HDAC4: variants seen among roughly 807,000 people sequenced by gnomAD.
The protein encoded by HDAC4 is histone deacetylase A.
Under a neutral mutation model 135.1 loss-of-function variants are expected in HDAC4, and 16 were observed. That is an observed-to-expected ratio of 0.12 (90% CI 0.08 to 0.18). HDAC4 has a LOEUF of 0.18. HDAC4 is among the 10% of genes least tolerant of loss of function. The pLI is 1.00. For missense variants in HDAC4, 1,143 were observed against 1,511.8 expected, an observed-to-expected ratio of 0.76 and a Z score of 4.05; for synonymous variants, 685 against 653.4, an observed-to-expected ratio of 1.05 and a Z score of -0.74.
intron 7 of HDAC4, among the ~76,000 whole-genome samples, chr2:239,145,290 C>T (rs868196719): frequency 5.3e-5 from 8 of 152,094 alleles, no homozygotes; most frequent in Non-Finnish European, 2.9e-5. Context: ...GCTATCCCCA[C>T]CCCGACCTGG....
intron 3 of HDAC4, among the ~76,000 whole-genome samples, chr2:239,230,900 T>C (rs1357558889): frequency 6.6e-6 from 1 of 152,100 alleles, no homozygotes; most frequent in African/African-American, 2.4e-5. Context: ...ACAAAACACA[T>C]CTAGGAGGCA....
chr2:239,248,613 A>G (rs1383684619), intron 2 of HDAC4, among the ~76,000 whole-genome samples: 2 of 152,258 alleles, frequency 1.3e-5, no homozygotes, highest in Non-Finnish European at 2.9e-5. Context: ...AAACAATAAC[A>G]GCTAAGTAAC....
chr2:239,168,905 C>T (rs1292907260), intron 5 of HDAC4, among the ~76,000 whole-genome samples: 3 of 152,222 alleles, frequency 2.0e-5, no homozygotes, highest in Admixed American at 6.5e-5. Context: ...CCGGGACGGC[C>T]GCCTGTGACG....
intron 19 of HDAC4, among the ~76,000 whole-genome samples, chr2:239,085,184 C>T (rs115442353): frequency 0.026 from 3,977 of 152,204 alleles, 191 homozygotes; most frequent in African/African-American, 0.091. Flanking sequence ...GCTGCCGCCA[C>T]GCCCCAGGAG....
intron 3 of HDAC4, chr2:239,191,094 C>T (rs556449529): frequency 2.3e-6 from 1 of 437,298 alleles, no homozygotes; most frequent in South Asian, 1.6e-5. Context: ...CCTGCCTGCT[C>T]CCCTCCCACA....
chr2:239,278,726 G>A (rs951780322), intron 2 of HDAC4, among the ~76,000 whole-genome samples: 7 of 152,216 alleles, frequency 4.6e-5, no homozygotes, highest in Non-Finnish European at 2.9e-5. Context: ...GTGGCCGAAG[G>A]CTGTGGTTTG....
chr2:239,095,163 G>T, intron 16 of HDAC4, 107 bp from the exon 17 acceptor site: 2 of 1,150,724 alleles, frequency 1.7e-6, no homozygotes, highest in Non-Finnish European at 2.6e-6. Context: ...GGCATTTGTG[G>T]GACAACGAGG....
chr2:239,219,830 G>A (rs1200358073), intron 3 of HDAC4, among the ~76,000 whole-genome samples: 3 of 152,092 alleles, frequency 2.0e-5, no homozygotes, highest in East Asian at 1.9e-4. Flanking sequence ...CAAAGATGAC[G>A]GAACTGTCTG....
At chr2:239,246,926 G>A (rs557737815) in intron 2 of HDAC4, among the ~76,000 whole-genome samples, 1 of 152,396 alleles carries the variant, frequency 6.6e-6, no homozygotes, top group Admixed American at 6.5e-5. Flanking sequence ...CTGGGAGCGT[G>A]CGAGGAGGAT....
At chr2:239,359,246 C>T (rs1005473590) in intron 1 of HDAC4, among the ~76,000 whole-genome samples, 4 of 152,042 alleles carry the variant, frequency 2.6e-5, no homozygotes, top group East Asian at 3.9e-4. Context: ...CTGGCATTCA[C>T]GCTGCGTCGG....
intron 17 of HDAC4, chr2:239,093,889 C>T (rs538050232): frequency 1.1e-5 from 10 of 951,444 alleles, no homozygotes; most frequent in Non-Finnish European, 1.3e-5. Flanking sequence ...GAGATTGCAG[C>T]CTATTTACAA....
chr2:239,295,202 G>A (rs1303473494), intron 2 of HDAC4, among the ~76,000 whole-genome samples: 1 of 149,618 alleles, frequency 6.7e-6, no homozygotes, highest in Non-Finnish European at 1.5e-5. Context: ...AGCTACTTGG[G>A]AGGCTGAGGC....
chr2:239,156,825 G>A (rs1403899350), intron 6 of HDAC4, 52 bp from the exon 7 acceptor site: 2 of 1,611,564 alleles, frequency 1.2e-6, no homozygotes, highest in Admixed American at 3.3e-5. Context: ...CACTGCCCCA[G>A]GCATGCTGCA....
At chr2:239,053,712 T>C in intron 25 of HDAC4, 111 bp from the exon 26 acceptor site, 1 of 899,830 alleles carries the variant, frequency 1.1e-6, no homozygotes, top group Non-Finnish European at 1.7e-6. Flanking sequence ...TGATCCCTTA[T>C]GATTTTAAAA....
chr2:239,364,994 C>T (rs1311376377), intron 1 of HDAC4, among the ~76,000 whole-genome samples: 1 of 152,134 alleles, frequency 6.6e-6, no homozygotes, highest in Non-Finnish European at 1.5e-5. Context: ...GGTACTAAGT[C>T]AGGTTTGTCA....
At chr2:239,311,787 A>G (rs1181838707) in intron 2 of HDAC4, among the ~76,000 whole-genome samples, 6 of 152,230 alleles carry the variant, frequency 3.9e-5, no homozygotes, top group Non-Finnish European at 1.5e-5. Context: ...ATCATGGAAC[A>G]GTGATGGGGC....
chr2:239,225,459 G>A (rs1031859088), intron 3 of HDAC4, among the ~76,000 whole-genome samples: 3 of 152,240 alleles, frequency 2.0e-5, no homozygotes, highest in Non-Finnish European at 4.4e-5. Flanking sequence ...GGCAGAAGTC[G>A]GTCTGCGGGA....
chr2:239,242,108 A>AAAAG (rs748553294), intron 2 of HDAC4, among the ~76,000 whole-genome samples: 1 of 150,656 alleles, frequency 6.6e-6, no homozygotes, highest in South Asian at 2.1e-4. Context: ...GAAGGAGAAA[A>AAAAG]AAAGAAAGAA....
At chr2:239,336,410 A>C (rs145220840) in intron 2 of HDAC4, among the ~76,000 whole-genome samples, 1 of 152,314 alleles carries the variant, frequency 6.6e-6, no homozygotes, top group African/African-American at 2.4e-5. Context: ...GGCGGTCTTC[A>C]AGGCTACATG....
Sources: allele counts gnomAD v4.1 joint callset (sites outside exome capture counted in the v4.1 genomes callset), GRCh38; gene constraint gnomAD v4.1.1; transcripts MANE v1.5; gene names NCBI Gene and HGNC (gene_info 2026-07-23, HGNC 2026-07-21).